Variants in RBFOX2 observed in about 807,000 individuals in gnomAD.
The protein encoded by RBFOX2 is RNA binding protein fox-1 homolog 2.
A neutral mutation model predicts 49.1 loss-of-function variants in RBFOX2; 10 were observed. That is an observed-to-expected ratio of 0.20 (90% CI 0.13 to 0.35). The LOEUF is 0.35. RBFOX2 is among the 10% of genes least tolerant of loss of function. The pLI is 1.00. For missense variants in RBFOX2, 323 were observed against 486.9 expected, an observed-to-expected ratio of 0.66 and a Z score of 3.17; for synonymous variants, 183 against 187.4, an observed-to-expected ratio of 0.98 and a Z score of 0.19.
At chr22:35,942,862 T>C (rs2053850273), upstream of RBFOX2, among the ~76,000 whole-genome samples, 1 of 152,202 alleles carries the variant, frequency 6.6e-6, no homozygotes, top group African/African-American at 2.4e-5. Flanking sequence ...AAATTTTACA[T>C]TGTGTAAAAT....
In RBFOX2 at chr22:35,977,126, C is replaced by T. The variant is rs371474668; in HGVS notation, c.187-38229G>A. On this transcript the variant is annotated intron_variant, in intron 1 of 13. Coordinates refer to the RBFOX2 transcript ENST00000438146. ...TTTAGGAAAATACAAATTGAAGCCACGAAGAGATATCCATTATATACCTAT... is the reference window on the plus strand; with the variant it reads ...TTTAGGAAAATACAAATTGAAGCCATGAAGAGATATCCATTATATACCTAT... 1.1e-4 allele frequency among the ~76,000 whole-genome samples: 16 copies of T among 151,990 alleles called. No homozygotes were observed. In the East Asian group the frequency reaches 2.7e-3, roughly 26 times the overall value.
chr22:35,998,479 C>G (rs980672707), intron 1 of RBFOX2: 1 of 152,202 alleles, frequency 6.6e-6, no homozygotes, highest in Non-Finnish European at 1.5e-5. Context: ...CGTGTTCAAG[C>G]AATTCTCCTG....
intron 1 of RBFOX2, among the ~76,000 whole-genome samples, chr22:35,857,138 G>T (rs149248817): frequency 6.6e-6 from 1 of 152,328 alleles, no homozygotes; most frequent in East Asian, 1.9e-4. Context: ...AGAAAAGTAG[G>T]TAGGTTCACT....
At chr22:35,812,237 G>A (rs1250409892) in intron 1 of RBFOX2, among the ~76,000 whole-genome samples, 34 of 151,130 alleles carry the variant, frequency 2.2e-4, no homozygotes, top group Admixed American at 2.2e-3. Flanking sequence ...ACTCTAGCCC[G>A]GGCAACAGAG....
intron 1 of RBFOX2, among the ~76,000 whole-genome samples, chr22:35,915,613 C>T (rs1379253768): frequency 6.6e-6 from 1 of 152,074 alleles, no homozygotes; most frequent in Non-Finnish European, 1.5e-5. Context: ...TTTTAAAGTC[C>T]CAATTATGTA....
exon 12 of RBFOX2, chr22:35,744,172 G>T (rs1312989799): frequency 6.2e-7 from 1 of 1,600,716 alleles, no homozygotes; most frequent in Non-Finnish European, 8.5e-7. Context: ...ATGAACTGGG[G>T]GGCTGTCCCA....
At chr22:35,794,339 T>A (rs536055962) in intron 2 of RBFOX2, among the ~76,000 whole-genome samples, 1 of 152,250 alleles carries the variant, frequency 6.6e-6, no homozygotes, top group African/African-American at 2.4e-5. Flanking sequence ...ACCACTGACC[T>A]CAGCTGTAAA....
intron 1 of RBFOX2, among the ~76,000 whole-genome samples, chr22:35,887,227 T>G (rs2046684716): frequency 6.6e-6 from 1 of 152,004 alleles, no homozygotes; most frequent in South Asian, 2.1e-4. Flanking sequence ...ATTTTAGCAT[T>G]CATGCGTAAG....
chr22:36,015,227 T>C (rs181919174), intron 1 of RBFOX2, among the ~76,000 whole-genome samples: 5 of 152,350 alleles, frequency 3.3e-5, no homozygotes, highest in African/African-American at 1.2e-4. Flanking sequence ...TGACTTCTAG[T>C]TCAAATATAA....
chr22:35,994,898 T>G (rs1367225427), intron 1 of RBFOX2: 2 of 152,268 alleles, frequency 1.3e-5, no homozygotes, highest in African/African-American at 4.8e-5. Flanking sequence ...GTCTAGAGGA[T>G]TTCTTCTACA....
intron 1 of RBFOX2, among the ~76,000 whole-genome samples, chr22:35,818,704 T>C (rs189849722): frequency 4.3e-4 from 66 of 152,252 alleles, no homozygotes; most frequent in African/African-American, 1.6e-3. Context: ...AGAGGACCAC[T>C]TGAGCCCAGG....
chr22:35,957,019 T>C (rs2055642945), intron 1 of RBFOX2, among the ~76,000 whole-genome samples: 1 of 152,184 alleles, frequency 6.6e-6, no homozygotes, highest in African/African-American at 2.4e-5. Context: ...TACAGGCAGT[T>C]TGTGGCATAA....
intron 1 of RBFOX2, among the ~76,000 whole-genome samples, chr22:36,022,252 T>A (rs1380684763): frequency 6.6e-6 from 1 of 152,242 alleles, no homozygotes; most frequent in Non-Finnish European, 1.5e-5. Flanking sequence ...CAAAGTAGCA[T>A]AACTCAATTT....
chr22:36,028,780 A>G (rs1198616882), exon 1 of RBFOX2, among the ~76,000 whole-genome samples: 1 of 150,672 alleles, frequency 6.6e-6, no homozygotes, highest in African/African-American at 2.4e-5. Flanking sequence ...GCTGGCTCAC[A>G]CTCTCCCTCA....
At chr22:35,897,925 T>C (rs1167007712) in intron 1 of RBFOX2, 5 of 742,930 alleles carry the variant, frequency 6.7e-6, no homozygotes, top group Non-Finnish European at 9.8e-6. Flanking sequence ...TTTTCCAACT[T>C]CAGCTTCCTT....
At chr22:35,766,637 T>C (rs1941053808) in intron 5 of RBFOX2, among the ~76,000 whole-genome samples, 1 of 151,956 alleles carries the variant, frequency 6.6e-6, no homozygotes, top group Non-Finnish European at 1.5e-5. Flanking sequence ...ACAACAATGA[T>C]GAGACTGAGA....
At chr22:35,797,795 G>C (rs760047622) in intron 2 of RBFOX2, among the ~76,000 whole-genome samples, 14 of 152,334 alleles carry the variant, frequency 9.2e-5, no homozygotes, top group Non-Finnish European at 1.9e-4. Context: ...AACTGCCAGT[G>C]ATCTGTGGAC....
chr22:35,862,655 G>A (rs998939285), intron 1 of RBFOX2, among the ~76,000 whole-genome samples: 39 of 152,150 alleles, frequency 2.6e-4, no homozygotes, highest in African/African-American at 8.9e-4. Flanking sequence ...CCTGGTTGTA[G>A]TACACAAGCA....
intron 2 of RBFOX2, among the ~76,000 whole-genome samples, chr22:35,807,966 T>C (rs892494417): frequency 2.0e-5 from 3 of 151,942 alleles, no homozygotes; most frequent in African/African-American, 7.3e-5. Flanking sequence ...ACCAACAAAA[T>C]TGACAATTTA....
Sources: gnomAD v4.1 joint callset for allele counts (sites outside exome capture counted in the v4.1 genomes callset) on GRCh38, gnomAD v4.1.1 for gene constraint, MANE v1.5 for transcripts, NCBI Gene and HGNC (gene_info 2026-07-23, HGNC 2026-07-21) for gene names.